Variants in N4BP2L2 observed in about 807,000 individuals in gnomAD.
N4BP2L2 encodes NEDD4 binding protein 2 like 2.
A neutral mutation model predicts 56.2 loss-of-function variants in N4BP2L2; 50 were observed. The ratio of observed to expected loss-of-function variants is 0.89; its 90% CI spans 0.71 to 1.13. The LOEUF (loss-of-function observed/expected upper bound fraction) is 1.13. N4BP2L2 is among the 50% of genes most tolerant of loss of function. The pLI is 0.00. For synonymous variants in N4BP2L2, 203 were observed against 223.6 expected (o/e 0.91, Z 0.82); for missense variants, 689 against 693.8 (o/e 0.99, Z 0.08).
chr13:32,500,210 T>C lies in N4BP2L2; in HGVS notation c.365+17647A>G, dbSNP rs188827449. 9.1e-4 allele frequency among the ~76,000 whole-genome samples: 138 copies of C among 152,280 alleles called. 2 individuals are homozygous for C. Among genetic ancestry groups the C allele is most frequent in the African/African-American group, 3.3e-3 (137 of 41,546 alleles). ...GAATTCATATGACCAAACACATTTC[T>C]TGGAAGTTCCACATCAGTGTCATAA... On this transcript the variant is annotated intron_variant, in intron 6 of 9. Coordinates refer to the N4BP2L2 transcript ENST00000357505.
At chr13:32,465,985 C>T (rs970509537) in intron 6 of N4BP2L2, among the ~76,000 whole-genome samples, 2 of 152,124 alleles carry the variant, frequency 1.3e-5, no homozygotes, top group African/African-American at 4.8e-5. Context: ...GTATGTGAGA[C>T]TGTTATATTT....
chr13:32,538,188 A>G (rs189122951), intron 1 of N4BP2L2, among the ~76,000 whole-genome samples: 1 of 152,296 alleles, frequency 6.6e-6, no homozygotes, highest in African/African-American at 2.4e-5. Flanking sequence ...ACACGAGAGA[A>G]AGAGAAATGG....
chr13:32,458,198 G>A (rs2079325641), intron 6 of N4BP2L2, among the ~76,000 whole-genome samples: 1 of 152,128 alleles, frequency 6.6e-6, no homozygotes, highest in Non-Finnish European at 1.5e-5. Flanking sequence ...CCGAGTAGCT[G>A]GGACTACAGG....
At position 32,447,793 on chromosome 13, in the gene N4BP2L2, CT is replaced by C. The variant is rs567503244; in HGVS notation, c.366-3668del. On this transcript the variant is annotated intron_variant, in intron 6 of 9. Transcript: ENST00000357505. ...AGGATAATAAGGACCCTGCTAATGT[CT>C]TTTTTTCGTTGTTTTTTTTTCTCCT... Among the ~76,000 whole-genome samples, 108 of 151,658 alleles carry C rather than the reference CT, an allele frequency of 7.1e-4. No homozygotes were observed. The Middle Eastern group carries it at 0.014, about 19-fold the overall frequency.
chr13:32,496,039 T>A (rs907110387), intron 6 of N4BP2L2, among the ~76,000 whole-genome samples: 1 of 152,132 alleles, frequency 6.6e-6, no homozygotes, highest in Non-Finnish European at 1.5e-5. Context: ...AGAGTTGCCT[T>A]CATGTGGTTG....
At chr13:32,488,904 G>T (rs1320104628) in intron 6 of N4BP2L2, among the ~76,000 whole-genome samples, 1 of 152,150 alleles carries the variant, frequency 6.6e-6, no homozygotes, top group African/African-American at 2.4e-5. Context: ...TATATATTGA[G>T]TATAAACTTT....
At chr13:32,538,514 G>C (rs542794719) in intron 1 of N4BP2L2, 104 bp downstream of exon 1, 2 of 671,652 alleles carry the variant, frequency 3.0e-6, no homozygotes, top group African/African-American at 3.9e-5. Flanking sequence ...TTCACACAGA[G>C]CTTACGTCTA....
chr13:32,469,828 C>A (rs746541327), intron 6 of N4BP2L2, among the ~76,000 whole-genome samples: 9 of 152,202 alleles, frequency 5.9e-5, no homozygotes, highest in African/African-American at 1.2e-4. Flanking sequence ...TACTGTACAG[C>A]CCAGTCCTGC....
At chr13:32,492,387 A>C (rs1158473006) in intron 6 of N4BP2L2, among the ~76,000 whole-genome samples, 4 of 143,174 alleles carry the variant, frequency 2.8e-5, no homozygotes, top group Admixed American at 7.7e-5. Context: ...GATTCACGCC[A>C]TTCCCCTGCC....
At chr13:32,491,626 T>TAA in intron 6 of N4BP2L2, among the ~76,000 whole-genome samples, 1 of 111,412 alleles carries the variant, frequency 9.0e-6, no homozygotes, top group African/African-American at 3.7e-5. Flanking sequence ...ATATTATATA[T>TAA]ATATATATAT....
intron 5 of N4BP2L2, among the ~76,000 whole-genome samples, chr13:32,520,874 T>G (rs1000415850): frequency 1.3e-5 from 2 of 152,226 alleles, no homozygotes; most frequent in African/African-American, 4.8e-5. Flanking sequence ...TGTACTCATT[T>G]GGCAGAACAA....
chr13:32,463,393 G>A (rs2080558307), intron 6 of N4BP2L2, among the ~76,000 whole-genome samples: 1 of 152,152 alleles, frequency 6.6e-6, no homozygotes, highest in South Asian at 2.1e-4. Flanking sequence ...GCCAGGTGGG[G>A]TGGATCACGG....
intron 6 of N4BP2L2, among the ~76,000 whole-genome samples, chr13:32,485,660 C>T (rs534835900): frequency 6.6e-6 from 1 of 152,170 alleles, no homozygotes; most frequent in East Asian, 1.9e-4. Flanking sequence ...TGTAATAAAC[C>T]ATATCAGTAG....
chr13:32,469,652 T>G (rs1241549574), intron 6 of N4BP2L2, among the ~76,000 whole-genome samples: 1 of 152,214 alleles, frequency 6.6e-6, no homozygotes, highest in Non-Finnish European at 1.5e-5. Flanking sequence ...CTGCCTGATA[T>G]TCCGTCTCTG....
At chr13:32,527,636 A>G (rs918669831) in intron 2 of N4BP2L2, 104 bp from the exon 3 acceptor site, 3 of 1,315,148 alleles carry the variant, frequency 2.3e-6, no homozygotes, top group Non-Finnish European at 3.1e-6. Flanking sequence ...TCACACAGGA[A>G]AGGTTATTAA....
At chr13:32,491,046 T>C (rs1212764936) in intron 6 of N4BP2L2, among the ~76,000 whole-genome samples, 3 of 149,486 alleles carry the variant, frequency 2.0e-5, no homozygotes, top group Non-Finnish European at 4.4e-5. Flanking sequence ...GACCTACTAA[T>C]GCCTCCAAGG....
chr13:32,532,909 AT>A, intron 2 of N4BP2L2, among the ~76,000 whole-genome samples: 2 of 150,400 alleles, frequency 1.3e-5, no homozygotes, highest in Non-Finnish European at 1.5e-5. Flanking sequence ...AAAAAAAAAA[AT>A]AGAGACAGGG....
intron 6 of N4BP2L2, among the ~76,000 whole-genome samples, chr13:32,488,764 G>T (rs1388303951): frequency 6.6e-6 from 1 of 151,896 alleles, no homozygotes; most frequent in Non-Finnish European, 1.5e-5. Flanking sequence ...TTTTGTAATA[G>T]AAAAAATAAA....
At chr13:32,492,235 T>TA (rs1361477616) in intron 6 of N4BP2L2, among the ~76,000 whole-genome samples, 1 of 150,374 alleles carries the variant, frequency 6.7e-6, no homozygotes, top group African/African-American at 2.4e-5. Context: ...TTAGCACTTT[T>TA]AAAAGATATT....
Sources: gnomAD v4.1 joint callset for allele counts (sites outside exome capture counted in the v4.1 genomes callset) on GRCh38, gnomAD v4.1.1 for gene constraint, MANE v1.5 for transcripts, NCBI Gene and HGNC (gene_info 2026-07-23, HGNC 2026-07-21) for gene names.